The following DCP1A variants were observed in gnomAD, a reference collection of about 807,000 sequenced individuals.
The protein encoded by DCP1A is decapping mRNA 1A, also known as mRNA-decapping enzyme 1A.
Under a neutral mutation model 58.0 loss-of-function variants are expected in DCP1A, and 20 were observed. The ratio of observed to expected loss-of-function variants is 0.34; its 90% confidence interval spans 0.24 to 0.50. The LOEUF (loss-of-function observed/expected upper bound fraction) is 0.50. Among genes scored for constraint, DCP1A ranks in the 20% least tolerant of loss-of-function variants. DCP1A has a pLI of 0.98. For synonymous variants in DCP1A, 285 were observed against 275.1 expected, an observed-to-expected ratio of 1.04 and a Z score of -0.36; for missense variants, 613 against 712.2, an observed-to-expected ratio of 0.86 and a Z score of 1.59.
At position 53,322,914 on chromosome 3, in the gene DCP1A, C is replaced by T. The variant is rs530264553; in HGVS notation, c.305-3441G>A. 6.6e-5 allele frequency among the ~76,000 whole-genome samples: 10 copies of T among 152,068 alleles called. No homozygotes were observed. The East Asian group carries it at 1.7e-3, about 26-fold the overall frequency. On this transcript the variant is annotated intron_variant, in intron 3 of 9. Coordinates refer to ENST00000610213, the MANE Select transcript of DCP1A (RefSeq NM_018403.7). ...GCAAGCTCTGCCTCCCGTGTTCACG[C>T]CATTCTCCTCAGCCGCCCGAGTAGC... is the stretch of plus-strand genomic sequence containing the variant.
At position 53,284,639 on chromosome 3, in the gene DCP1A, T is replaced by G. The variant is rs574077087; in HGVS notation, c.*2941A>C. ...GCAACCTCTGCCTCCCGGGTTCAAG[T>G]GATTCTCCTGCCTCAGCCTCCTAAG... On this transcript the variant is annotated 3_prime_UTR_variant, in exon 10 of 10. Coordinates refer to ENST00000610213, the MANE Select transcript of DCP1A (RefSeq NM_018403.7). The G allele has an allele frequency of 6.7e-6, 1 of 148,932 alleles. No individual in the cohort carries two copies. Among genetic ancestry groups the G allele is most frequent in the Non-Finnish European group, 1.5e-5 (1 of 67,766 alleles). The allele number at this position is 148,932 out of a possible 1,614,324, so 9.2% of individuals were successfully genotyped here.
In DCP1A at chr3:53,292,063, C is replaced by CCG; in HGVS notation, c.1383+5_1383+6insCG. 6.2e-7 allele frequency: 1 copy of CCG among 1,605,012 alleles called. No homozygotes were observed. The highest frequency in any genetic ancestry group is 8.5e-7 in the Non-Finnish European group (1 of 1,175,366). ...ACTCTGCCCACCCCCACCCTCCTGC[C>CCG]ATTACCTGAAGGGGAGCAAGCACCA... is the stretch of plus-strand genomic sequence containing the variant. On this transcript the variant is annotated splice_donor_region_variant and intron_variant, in intron 7 of 9. Coordinates refer to ENST00000610213, the MANE Select transcript of DCP1A (RefSeq NM_018403.7).
chr3:53,286,239 T>C lies in DCP1A; in HGVS notation c.*1341A>G, dbSNP rs1340177265. 1.3e-5 allele frequency: 2 copies of C among 152,382 alleles called. No individual in the cohort carries two copies. The highest frequency in any genetic ancestry group is 2.1e-4 in the South Asian group (1 of 4,830). The allele number at this position is 152,382 out of a possible 1,614,324, so 9.4% of individuals were successfully genotyped here. Reference sequence around the variant, plus strand: ...CAGCATTATTCACAGCTAATCCTTATGCTAGCTGGTTGAGCCAATTGGGTT... The same window carrying C: ...CAGCATTATTCACAGCTAATCCTTACGCTAGCTGGTTGAGCCAATTGGGTT... On this transcript the variant is annotated 3_prime_UTR_variant, in exon 10 of 10. Coordinates refer to ENST00000610213, the MANE Select transcript of DCP1A (RefSeq NM_018403.7).
intron 1 of DCP1A, 69 bp from the exon 2 acceptor site, chr3:53,345,011 A>G (rs1559710775): frequency 8.4e-7 from 1 of 1,184,142 alleles, no homozygotes; most frequent in African/African-American, 1.5e-5. Context: ...CCCATGGAGA[A>G]GTAATGCTTC....
intron 8 of DCP1A, among the ~76,000 whole-genome samples, chr3:53,288,558 A>G (rs1338605032): frequency 6.6e-6 from 1 of 152,238 alleles, no homozygotes; most frequent in Non-Finnish European, 1.5e-5. Context: ...TAAGAGAAGT[A>G]ACAGTATAGA....
intron 5 of DCP1A, among the ~76,000 whole-genome samples, chr3:53,311,242 T>C (rs187755423): frequency 6.4e-4 from 97 of 152,332 alleles, no homozygotes; most frequent in Non-Finnish European, 1.0e-3. Flanking sequence ...TCCTTGAAGT[T>C]CTGGTGAGGT....
chr3:53,342,621 T>A (rs573732682), intron 2 of DCP1A, among the ~76,000 whole-genome samples: 129 of 152,314 alleles, frequency 8.5e-4, no homozygotes, highest in African/African-American at 3.1e-3. Flanking sequence ...TGCTTCTACC[T>A]AAAAACCTCT....
chr3:53,287,724 T>C, intron 9 of DCP1A, 64 bp from the exon 10 acceptor site: 1 of 1,203,170 alleles, frequency 8.3e-7, no homozygotes, highest in Non-Finnish European at 1.2e-6. Flanking sequence ...TTTTACTTCC[T>C]TGGTAACAGC....
At chr3:53,338,872 A>AAG (rs1553692247) in intron 3 of DCP1A, among the ~76,000 whole-genome samples, 2 of 151,832 alleles carry the variant, frequency 1.3e-5, no homozygotes, top group Non-Finnish European at 2.9e-5. Flanking sequence ...AAAAAAAAAA[A>AAG]AAAGAAAAAC....
In DCP1A at chr3:53,341,181, G is replaced by A. The variant is rs782141846; in HGVS notation, c.304+963C>T. Among the ~76,000 whole-genome samples the A allele has an allele frequency of 7.2e-5, 11 of 151,944 alleles. No homozygotes were observed. In the South Asian group the frequency reaches 1.5e-3, roughly 20 times the overall value. ...CAAAAATAATATTTTCTGGCCGGGC[G>A]TGGTGGCTCATGCCTATAATCCCAG... is the stretch of plus-strand genomic sequence containing the variant. On this transcript the variant is annotated intron_variant, in intron 3 of 9. Coordinates refer to ENST00000610213, the MANE Select transcript of DCP1A (RefSeq NM_018403.7).
intron 3 of DCP1A, among the ~76,000 whole-genome samples, chr3:53,325,971 C>T (rs1708093525): frequency 6.6e-6 from 1 of 152,130 alleles, no homozygotes; most frequent in Non-Finnish European, 1.5e-5. Context: ...TCATTTCAGA[C>T]CACCACTGAA....
chr3:53,298,559 T>A (rs1553687036), intron 6 of DCP1A, among the ~76,000 whole-genome samples: 1 of 152,192 alleles, frequency 6.6e-6, no homozygotes, highest in Non-Finnish European at 1.5e-5. Context: ...TATTGCTACT[T>A]TATAGATGAT....
At chr3:53,295,646 A>G (rs1390308199) in intron 6 of DCP1A, among the ~76,000 whole-genome samples, 1 of 152,098 alleles carries the variant, frequency 6.6e-6, no homozygotes, top group Non-Finnish European at 1.5e-5. Flanking sequence ...TCCAGACTCA[A>G]ACAATCCTTT....
intron 3 of DCP1A, among the ~76,000 whole-genome samples, chr3:53,319,894 C>T (rs1307705714): frequency 6.6e-6 from 1 of 152,144 alleles, no homozygotes. Flanking sequence ...CTTTGGGAGG[C>T]TGAGGTGGGC....
In DCP1A at chr3:53,314,679, T is replaced by TTTC. The variant is rs1379093325; in HGVS notation, c.372-2301_372-2300insGAA. ...TTCTTTTCTTTTTCTTTTTTTTTTT[T>TTTC]TTTTTTTTTTGAGACAGAGCCTTAC... On this transcript the variant is annotated intron_variant, in intron 4 of 9. Transcript: ENST00000610213. Among the ~76,000 whole-genome samples, 228 of 144,214 alleles carry TTTC rather than the reference T, an allele frequency of 1.6e-3. 1 individual carries two copies. Among genetic ancestry groups the TTTC allele is most frequent in the African/African-American group, 5.4e-3 (211 of 39,174 alleles). 94.6% of individuals were successfully genotyped at this position (144,214 alleles called of 152,430 possible).
chr3:53,342,980 C>A (rs191872189), intron 2 of DCP1A, among the ~76,000 whole-genome samples: 204 of 152,234 alleles, frequency 1.3e-3, no homozygotes, highest in Non-Finnish European at 2.3e-3. Flanking sequence ...ATTTACATAG[C>A]GCTCCTGAGT....
chr3:53,294,027 TG>T (rs1707024946), intron 6 of DCP1A, among the ~76,000 whole-genome samples: 1 of 151,938 alleles, frequency 6.6e-6, no homozygotes, highest in Admixed American at 6.5e-5. Flanking sequence ...GCGAGCTGGC[TG>T]GGGAGCACAG....
chr3:53,330,513 C>T (rs558546278), intron 3 of DCP1A, among the ~76,000 whole-genome samples: 2 of 150,402 alleles, frequency 1.3e-5, no homozygotes, highest in Admixed American at 6.6e-5. Context: ...CAGAGTGAGA[C>T]CTTGTCTCAG....
chr3:53,320,336 T>G (rs1196565821), intron 3 of DCP1A, among the ~76,000 whole-genome samples: 1 of 151,874 alleles, frequency 6.6e-6, no homozygotes, highest in African/African-American at 2.4e-5. Flanking sequence ...TGAACTTTAT[T>G]AAAGATTATA....
Sources: allele counts gnomAD v4.1 joint callset (sites outside exome capture counted in the v4.1 genomes callset), GRCh38; gene constraint gnomAD v4.1.1; transcripts MANE v1.5; gene names NCBI Gene and HGNC (gene_info 2026-07-23, HGNC 2026-07-21).